MACROD2: variants seen among roughly 807,000 people sequenced by gnomAD.
The protein encoded by MACROD2 is ADP-ribose glycohydrolase MACROD2.
A neutral mutation model predicts 70.4 loss-of-function variants in MACROD2; 36 were observed. The observed-to-expected ratio is 0.51, with a 90% CI of 0.39 to 0.68. The LOEUF is 0.68. Ranked by LOEUF, MACROD2 falls within the 30% of genes least tolerant of loss-of-function variation. The pLI is 0.00. For missense variants in MACROD2, 496 were observed against 538.4 expected (o/e 0.92, Z 0.78); for synonymous variants, 172 against 178.8 (o/e 0.96, Z 0.30).
chr20:15,279,404 C>T (rs2146084519), intron 6 of MACROD2, among the ~76,000 whole-genome samples: 1 of 152,184 alleles, frequency 6.6e-6, no homozygotes, highest in Non-Finnish European at 1.5e-5. Context: ...CTCAGTCATC[C>T]CCAGGCTGAG....
chr20:15,762,605 T>G lies in MACROD2; in HGVS notation c.646-100140T>G, dbSNP rs2051453969. On this transcript the variant is annotated intron_variant, in intron 8 of 17. Coordinates refer to ENST00000684519, the MANE Select transcript of MACROD2 (RefSeq NM_001351661.2). ...AAAGAAGCAGAGTTAACAGCCTCCT[T>G]GTGGCTCTTAGTCCAGGCTTTCATT... Among the ~76,000 whole-genome samples the G allele has an allele frequency of 2.0e-5, 3 of 152,206 alleles. No homozygotes were observed. In the South Asian group the frequency reaches 6.2e-4, roughly 32 times the overall value.
chr20:14,275,921 CAG>C (rs2082250274), intron 3 of MACROD2, among the ~76,000 whole-genome samples: 1 of 152,218 alleles, frequency 6.6e-6, no homozygotes. Context: ...ATCAAAACCA[CAG>C]TGAGATACCA....
At chr20:14,835,114 T>C (rs2073014780) in intron 5 of MACROD2, among the ~76,000 whole-genome samples, 1 of 152,072 alleles carries the variant, frequency 6.6e-6, no homozygotes, top group Admixed American at 6.5e-5. Flanking sequence ...TGTAAAGTCC[T>C]CTATAACAAC....
At chr20:14,717,654 G>A (rs16990101) in intron 5 of MACROD2, among the ~76,000 whole-genome samples, 5,594 of 151,442 alleles carry the variant, frequency 0.037, 359 homozygotes, top group African/African-American at 0.13. Context: ...CAGTTTTAAC[G>A]TGACCAATAA....
chr20:14,505,805 T>C (rs1029853138), intron 4 of MACROD2, among the ~76,000 whole-genome samples: 1 of 152,192 alleles, frequency 6.6e-6, no homozygotes, highest in African/African-American at 2.4e-5. Flanking sequence ...TTTTAGGTTA[T>C]GGCAGAGTGA....
At chr20:16,028,381 G>A (rs887915399) in intron 15 of MACROD2, among the ~76,000 whole-genome samples, 3 of 101,698 alleles carry the variant, frequency 2.9e-5, no homozygotes, top group African/African-American at 9.6e-5. Context: ...AGTACCTGGT[G>A]GACATTTTTT....
intron 5 of MACROD2, among the ~76,000 whole-genome samples, chr20:15,082,531 T>G (rs1196332695): frequency 7.3e-6 from 1 of 137,224 alleles, no homozygotes; most frequent in Non-Finnish European, 1.6e-5. Flanking sequence ...AGGTTTTTTT[T>G]TTTTTTTTTT....
Position 14,930,404 on chromosome 20 carries a change from A to G in MACROD2, c.418+245445A>G, listed in dbSNP as rs182518436. Among the ~76,000 whole-genome samples the G allele has an allele frequency of 2.8e-3, 427 of 152,288 alleles. 5 individuals are homozygous for G. The highest frequency in any genetic ancestry group is 4.4e-3 in the Non-Finnish European group (296 of 68,010). On this transcript the variant is annotated intron_variant, in intron 5 of 17. Coordinates refer to ENST00000684519, the MANE Select transcript of MACROD2 (RefSeq NM_001351661.2). ...ATGGGAAGCAGAGGTTAAAACATGTATATTAACTGTGGTGTTCTGAGTGTA... is the reference window on the plus strand; with the variant it reads ...ATGGGAAGCAGAGGTTAAAACATGTGTATTAACTGTGGTGTTCTGAGTGTA...
chr20:15,686,091 G>T (rs2050221108), intron 8 of MACROD2, among the ~76,000 whole-genome samples: 1 of 152,352 alleles, frequency 6.6e-6, no homozygotes, highest in South Asian at 2.1e-4. Context: ...AGGTGGAAAT[G>T]ATGAGTTGGC....
chr20:15,414,714 A>G (rs74179773), intron 6 of MACROD2, among the ~76,000 whole-genome samples: 2,614 of 152,280 alleles, frequency 0.017, 32 homozygotes, highest in Non-Finnish European at 0.027. Context: ...ATACGTGAAA[A>G]TAATAATGCC....
At chr20:15,876,329 G>A (rs1246344930) in intron 9 of MACROD2, among the ~76,000 whole-genome samples, 3 of 151,672 alleles carry the variant, frequency 2.0e-5, no homozygotes, top group Admixed American at 1.3e-4. Flanking sequence ...TGTTCTCATT[G>A]TTCAATTCCC....
intron 8 of MACROD2, among the ~76,000 whole-genome samples, chr20:15,694,387 G>T (rs1394527806): frequency 2.0e-5 from 3 of 152,084 alleles, no homozygotes; most frequent in Admixed American, 6.5e-5. Context: ...ACTGGTTTTT[G>T]ATTTTTTTAT....
Position 15,459,963 on chromosome 20 carries a change from C to T in MACROD2, c.571+28528C>T, listed in dbSNP as rs115956078. On this transcript the variant is annotated intron_variant, in intron 7 of 17. Coordinates refer to ENST00000684519, the MANE Select transcript of MACROD2 (RefSeq NM_001351661.2). The stretch of plus-strand genomic sequence containing the variant: ...CCCAAAACTGGCCATAGTAACAGAT[C>T]CAGGAACACGCCTATGACAGAAATC... Among the ~76,000 whole-genome samples the T allele has an allele frequency of 2.9e-3, 445 of 152,152 alleles. 6 individuals are homozygous for T. The highest frequency in any genetic ancestry group is 9.7e-3 in the African/African-American group (401 of 41,514).
rs147730234 is a variant in MACROD2, at chr20:14,354,253, A to G, written c.272-139226A>G. 1.2e-3 allele frequency among the ~76,000 whole-genome samples: 177 copies of G among 152,244 alleles called. 1 individual carries two copies. Among genetic ancestry groups the G allele is most frequent in the African/African-American group, 4.1e-3 (171 of 41,550 alleles). ...TGTACTTTTCTTATTGATTTGTAGC[A>G]GTTCTTTACATATTCAGGATAATAA... On this transcript the variant is annotated intron_variant, in intron 3 of 17. Transcript: ENST00000684519.
At chr20:14,263,279 T>C (rs921004912) in intron 3 of MACROD2, among the ~76,000 whole-genome samples, 2 of 152,028 alleles carry the variant, frequency 1.3e-5, no homozygotes, top group African/African-American at 4.8e-5. Context: ...CATGGAAGAA[T>C]TGGAAAGCTA....
Position 15,137,800 on chromosome 20 carries a change from T to C in MACROD2, c.419-92140T>C, listed in dbSNP as rs142545553. Among the ~76,000 whole-genome samples the C allele has an allele frequency of 2.8e-3, 427 of 152,208 alleles. 2 individuals are homozygous for C. The highest frequency in any genetic ancestry group is 9.7e-3 in the African/African-American group (402 of 41,554). On this transcript the variant is annotated intron_variant, in intron 5 of 17. Transcript: ENST00000684519. The stretch of plus-strand genomic sequence containing the variant: ...ACATTTAGATAGATTTATTGCTACA[T>C]TAATCAATCTTTTTCTCCCCCTTTC...
intron 8 of MACROD2, among the ~76,000 whole-genome samples, chr20:15,658,681 T>C (rs1000464574): frequency 6.6e-6 from 1 of 152,220 alleles, no homozygotes; most frequent in Non-Finnish European, 1.5e-5. Flanking sequence ...TACGGGCTTA[T>C]TTACATGATC....
At chr20:14,027,027 G>T (rs1443407794) in intron 2 of MACROD2, among the ~76,000 whole-genome samples, 6 of 152,166 alleles carry the variant, frequency 3.9e-5, no homozygotes, top group Non-Finnish European at 8.8e-5. Flanking sequence ...AGCAGGGGTC[G>T]ACAGACACCT....
At chr20:15,843,825 T>C (rs549217211) in intron 8 of MACROD2, among the ~76,000 whole-genome samples, 7 of 152,248 alleles carry the variant, frequency 4.6e-5, no homozygotes, top group African/African-American at 1.4e-4. Flanking sequence ...ACATCTGCAA[T>C]TTGCATTGCT....
Sources: allele counts gnomAD v4.1 joint callset (sites outside exome capture counted in the v4.1 genomes callset), GRCh38; gene constraint gnomAD v4.1.1; transcripts MANE v1.5; gene names NCBI Gene and HGNC (gene_info 2026-07-23, HGNC 2026-07-21).